The following TPR variants were observed in gnomAD, a reference collection of about 807,000 sequenced individuals.
TPR encodes the protein nucleoprotein TPR.
Under a neutral mutation model 316.1 loss-of-function variants are expected in TPR, and 51 were observed. That is an observed-to-expected ratio of 0.16 (90% CI 0.13 to 0.20). The LOEUF (loss-of-function observed/expected upper bound fraction) is 0.20, where lower values mean the gene tolerates loss of function less well. Among genes scored for constraint, TPR ranks in the 10% least tolerant of loss-of-function variants. The pLI is 1.00. For synonymous variants in TPR, 981 were observed against 914.7 expected, an observed-to-expected ratio of 1.07 and a Z score of -1.31; for missense variants, 2,272 against 2,754.8, an observed-to-expected ratio of 0.82 and a Z score of 3.92.
At position 186,312,359 on chromosome 1, in the gene TPR, T is replaced by A; in HGVS notation, c.*1612A>T. Reference sequence around the variant, plus strand: ...TTCAATATTCACCTGCCAGACTGGCTTATCAAGACAAAGGTAACATTTTTA... The same window carrying A: ...TTCAATATTCACCTGCCAGACTGGCATATCAAGACAAAGGTAACATTTTTA... On this transcript the variant is annotated 3_prime_UTR_variant, in exon 51 of 51. Coordinates refer to ENST00000367478, the MANE Select transcript of TPR (RefSeq NM_003292.3). 1 of 1,607,326 alleles carries A rather than the reference T, an allele frequency of 6.2e-7. No homozygotes were observed.
chr1:186,321,360 A>G (rs1453683961), intron 45 of TPR, among the ~76,000 whole-genome samples: 1 of 152,232 alleles, frequency 6.6e-6, no homozygotes, highest in African/African-American at 2.4e-5. Context: ...CTAATACCTT[A>G]GCCACGAATA....
chr1:186,372,853 A>G (rs1659576055), intron 2 of TPR, among the ~76,000 whole-genome samples: 1 of 152,214 alleles, frequency 6.6e-6, no homozygotes, highest in African/African-American at 2.4e-5. Flanking sequence ...TAGGCCTTAA[A>G]GGGGAAATAT....
chr1:186,360,840 T>C lies in TPR; in HGVS notation c.1024A>G (p.Met342Val), dbSNP rs1659164730. The change falls in exon 10 of 51, where the codon ATG (methionine) becomes GTG (valine). Residue 342 changes from methionine (M) to valine (V), a missense_variant. Physicochemically the swap from Met to Val is conservative, Grantham distance 21 (BLOSUM62 1). Around this residue, in one of 10 missense-constraint regions of TPR, gnomAD observed 549 missense variants for 598.6 expected, o/e 0.92. Transcript: ENST00000367478. ...EQSKDQMEKE[M>V]LEKIGRLEKE... Reference sequence around the variant, plus strand: ...TCCAATCTCCCTATTTTCTCAAGCATTTCTTTTTCCATTTGATCTTTGGAT... The same window carrying C: ...TCCAATCTCCCTATTTTCTCAAGCACTTCTTTTTCCATTTGATCTTTGGAT... The C allele has an allele frequency of 1.2e-6, 2 of 1,612,886 alleles. No individual in the cohort carries two copies. Among genetic ancestry groups the C allele is most frequent in the Non-Finnish European group, 8.5e-7 (1 of 1,179,334 alleles).
chr1:186,331,679 C>A, intron 38 of TPR, 98 bp from the exon 39 acceptor site: 2 of 684,336 alleles, frequency 2.9e-6, no homozygotes, highest in South Asian at 3.5e-5. Context: ...CCCTTCAAAT[C>A]TATATTTTAT....
At chr1:186,363,278 T>C in intron 5 of TPR, 64 bp downstream of exon 5, 2 of 1,362,934 alleles carry the variant, frequency 1.5e-6, no homozygotes, top group South Asian at 1.3e-5. Context: ...ATATTTGAAA[T>C]TTAATTTAGG....
chr1:186,368,770 GTTTA>G (rs1277726728), intron 3 of TPR, among the ~76,000 whole-genome samples: 2 of 152,076 alleles, frequency 1.3e-5, no homozygotes, highest in Non-Finnish European at 2.9e-5. Context: ...ATGTAGTTCC[GTTTA>G]TTTCTTTTTG....
At chr1:186,368,177 C>G (rs1156247547) in intron 3 of TPR, among the ~76,000 whole-genome samples, 195 bp from the exon 4 acceptor site, 1 of 152,166 alleles carries the variant, frequency 6.6e-6, no homozygotes, top group Non-Finnish European at 1.5e-5. Context: ...AACATTTTTA[C>G]TAGGCTTATG....
At chr1:186,363,159 C>T (rs1164774976) in intron 5 of TPR, among the ~76,000 whole-genome samples, 158 bp from the exon 6 acceptor site, 1 of 152,022 alleles carries the variant, frequency 6.6e-6, no homozygotes, top group Non-Finnish European at 1.5e-5. Context: ...AGAACTGTAA[C>T]AAACTTAAAT....
intron 1 of TPR, 70 bp downstream of exon 1, chr1:186,374,808 T>A: frequency 6.6e-7 from 1 of 1,509,952 alleles, no homozygotes; most frequent in African/African-American, 1.4e-5. Context: ...GCCAACTTGA[T>A]GGGGGAAGAC....
At position 186,351,330 on chromosome 1, in the gene TPR, A is replaced by G. The variant is rs201455316; in HGVS notation, c.2610T>C (p.Asp870=). 65 of 1,607,830 alleles carry G rather than the reference A, an allele frequency of 4.0e-5. 1 individual carries two copies. The African/African-American group carries it at 7.5e-4, about 19-fold the overall frequency. The change falls in exon 20 of 51, where the codon GAT becomes GAC. Residue 870 remains aspartate (D), a splice_region_variant and synonymous_variant. Coordinates refer to ENST00000367478, the MANE Select transcript of TPR (RefSeq NM_003292.3). ...AAATTCAGAACTCTGATGGACTCAC[A>G]TCTAGATTTCTAGTAAGTGTATGCC... ...EQRHTLTRNL[D]VQLLDTKRQL...
chr1:186,337,270 G>T, intron 31 of TPR, 114 bp from the exon 32 acceptor site: 2 of 1,305,832 alleles, frequency 1.5e-6, no homozygotes, highest in Non-Finnish European at 2.0e-6. Flanking sequence ...ATCCCTGAAG[G>T]TATTCAAAAC....
chr1:186,357,043 A>C (rs6664763), intron 14 of TPR, among the ~76,000 whole-genome samples: 28,459 of 152,028 alleles, frequency 0.19, 3,022 homozygotes, highest in African/African-American at 0.29. Context: ...ACTGTTAGGA[A>C]CACATAGATT....
In TPR at chr1:186,313,595, T is replaced by C; in HGVS notation, c.*376A>G. The C allele has an allele frequency of 1.2e-6, 1 of 813,460 alleles. No individual in the cohort carries two copies. The highest frequency in any genetic ancestry group is 1.4e-5 in the South Asian group (1 of 70,170). The allele number at this position is 813,460 out of a possible 1,614,324, so 50.4% of individuals were successfully genotyped here. ...CTCTATTAAAATGATAAACATTGTC[T>C]TTGAGCATAATAGTCAACATAAGTT... is the stretch of plus-strand genomic sequence containing the variant. On this transcript the variant is annotated 3_prime_UTR_variant, in exon 51 of 51. Transcript: ENST00000367478.
At chr1:186,317,384 A>G in intron 49 of TPR, 98 bp downstream of exon 49, 3 of 943,936 alleles carry the variant, frequency 3.2e-6, no homozygotes, top group Non-Finnish European at 3.4e-6. Flanking sequence ...TTTAAAATAC[A>G]GGAAAAAAGG....
At chr1:186,339,531 A>T in intron 30 of TPR, 111 bp downstream of exon 30, 1 of 896,228 alleles carries the variant, frequency 1.1e-6, no homozygotes, top group Non-Finnish European at 1.5e-6. Flanking sequence ...TAGGTGCTCT[A>T]GCACTTTCCA....
chr1:186,349,659 CAAAA>C (rs71104853), intron 21 of TPR, among the ~76,000 whole-genome samples: 20 of 146,618 alleles, frequency 1.4e-4, no homozygotes, highest in African/African-American at 2.2e-4. Flanking sequence ...GACTCTCTCT[CAAAA>C]AAAAAAAAAA....
Position 186,359,804 on chromosome 1 carries a change from T to A in TPR, c.1384A>T (p.Met462Leu). The A allele has an allele frequency of 6.3e-7, 1 of 1,581,434 alleles. No homozygotes were observed. The highest frequency in any genetic ancestry group is 2.3e-5 in the East Asian group (1 of 43,616). ...ASLSVKLEQAMKEIQRLQEDT... is the reference protein window; with the variant it reads ...ASLSVKLEQALKEIQRLQEDT... ...ATTTTAGGAATGGAACCAACCTTCA[T>A]AGCTTGTTCAAGCTTAACAGATAAA... Residue 462 changes from methionine (M) to leucine (L), a missense_variant, in exon 12 of 51, where the codon ATG becomes TTG. Around this residue, in one of 10 missense-constraint regions of TPR, gnomAD observed 549 missense variants for 598.6 expected, o/e 0.92. Coordinates refer to ENST00000367478, the MANE Select transcript of TPR (RefSeq NM_003292.3).
chr1:186,355,833 C>A, intron 15 of TPR, 65 bp from the exon 16 acceptor site: 1 of 1,561,450 alleles, frequency 6.4e-7, no homozygotes, highest in Non-Finnish European at 8.7e-7. Flanking sequence ...TAATCTAATG[C>A]TTCTTTGCAA....
intron 12 of TPR, among the ~76,000 whole-genome samples, chr1:186,358,961 C>A (rs780077171): frequency 6.6e-6 from 1 of 151,978 alleles, no homozygotes; most frequent in African/African-American, 2.4e-5. Flanking sequence ...CTCAGGCAGG[C>A]GGGACTGCTA....
Sources: allele counts gnomAD v4.1 joint callset (sites outside exome capture counted in the v4.1 genomes callset), GRCh38; gene constraint gnomAD v4.1.1; regional missense constraint gnomAD v4.1.1; transcripts MANE v1.5; gene names NCBI Gene and HGNC (gene_info 2026-07-23, HGNC 2026-07-21).